The following MBD5 variants were observed in gnomAD, a reference collection of about 807,000 sequenced individuals.
MBD5 encodes the protein methyl-CpG binding domain protein 5.
In MBD5, 13 loss-of-function variants were observed where a neutral mutation model predicts 117.3. The observed-to-expected ratio is 0.11, with a 90% CI of 0.07 to 0.18. MBD5 has a LOEUF of 0.18. Among genes scored for constraint, MBD5 ranks in the 10% least tolerant of loss-of-function variants. The pLI, the probability that MBD5 is intolerant of heterozygous loss-of-function variation, is 1.00. For missense variants in MBD5, 1,879 were observed against 2,093.8 expected, an observed-to-expected ratio of 0.90 and a Z score of 2.00; for synonymous variants, 727 against 766.4, an observed-to-expected ratio of 0.95 and a Z score of 0.85.
intron 10 of MBD5, among the ~76,000 whole-genome samples, chr2:148,488,239 GC>G (rs1464516844): frequency 6.6e-6 from 1 of 152,196 alleles, no homozygotes; most frequent in Non-Finnish European, 1.5e-5. Context: ...TGCCTGATGG[GC>G]TTTATTTTCT....
At chr2:148,175,627 G>A (rs1256944089) in intron 1 of MBD5, among the ~76,000 whole-genome samples, 1 of 152,128 alleles carries the variant, frequency 6.6e-6, no homozygotes, top group East Asian at 1.9e-4. Flanking sequence ...CAGAGTTATT[G>A]GAGATTTTAG....
At chr2:148,256,430 C>T (rs1700592150) in intron 3 of MBD5, among the ~76,000 whole-genome samples, 1 of 152,236 alleles carries the variant, frequency 6.6e-6, no homozygotes, top group Non-Finnish European at 1.5e-5. Context: ...TCTGATGACC[C>T]ATTTCCCAGA....
rs1053293977 is a variant in MBD5 at position 148,476,971 on chromosome 2, A to G, written c.2519-6139A>G. On this transcript the variant is annotated intron_variant, in intron 8 of 13. Coordinates refer to ENST00000642680, the MANE Select transcript of MBD5 (RefSeq NM_001378120.1). ...CTTTTCTCTACATTTGTTTTCTCACAAATATTAAGAAAAATGTGATCAAAG... is the reference window on the plus strand; with the variant it reads ...CTTTTCTCTACATTTGTTTTCTCACGAATATTAAGAAAAATGTGATCAAAG... Among the ~76,000 whole-genome samples, 4 of 152,068 alleles carry G rather than the reference A, an allele frequency of 2.6e-5. No individual in the cohort carries two copies. In the East Asian group the frequency reaches 7.7e-4, roughly 29 times the overall value.
intron 1 of MBD5, chr2:148,071,276 A>ATGTGTGTGTGTGTGTG (rs35621899): frequency 9.1e-6 from 1 of 109,628 alleles, no homozygotes; most frequent in Non-Finnish European, 2.1e-5. Flanking sequence ...ATATCTGTAT[A>ATGTGTGTGTGTGTGTG]TGTGTGTGTG....
intron 5 of MBD5, among the ~76,000 whole-genome samples, chr2:148,459,153 T>C (rs778225921): frequency 2.0e-5 from 3 of 152,172 alleles, no homozygotes; most frequent in Non-Finnish European, 4.4e-5. Context: ...CACAGGAGAA[T>C]GTAAAATACT....
intron 12 of MBD5, among the ~76,000 whole-genome samples, chr2:148,509,205 G>GA (rs1276519859): frequency 2.0e-5 from 3 of 152,054 alleles, no homozygotes; most frequent in Non-Finnish European, 4.4e-5. Flanking sequence ...TTAGCACTTG[G>GA]AAAAAATGAG....
chr2:148,493,131 A>G (rs1660492468), intron 11 of MBD5, among the ~76,000 whole-genome samples: 1 of 152,236 alleles, frequency 6.6e-6, no homozygotes, highest in South Asian at 2.1e-4. Flanking sequence ...TCTGTTTATT[A>G]TAGTAAAACT....
intron 8 of MBD5, among the ~76,000 whole-genome samples, chr2:148,479,720 G>GTT (rs34758495): frequency 0.014 from 1,941 of 142,294 alleles, 28 homozygotes; most frequent in East Asian, 0.072. Context: ...TGTCTTTGTT[G>GTT]TTTTTTTTTT....
chr2:148,152,923 C>G (rs545846805), intron 1 of MBD5, among the ~76,000 whole-genome samples: 1 of 151,826 alleles, frequency 6.6e-6, no homozygotes, highest in Admixed American at 6.6e-5. Flanking sequence ...TTAATTGGAG[C>G]ATTTAGTCCA....
At chr2:148,241,323 G>A (rs1335939974) in intron 3 of MBD5, among the ~76,000 whole-genome samples, 1 of 152,052 alleles carries the variant, frequency 6.6e-6, no homozygotes, top group Non-Finnish European at 1.5e-5. Flanking sequence ...CCTTAGTATA[G>A]GGATATAATA....
At chr2:148,220,529 G>T (rs569057034) in intron 2 of MBD5, among the ~76,000 whole-genome samples, 6 of 152,186 alleles carry the variant, frequency 3.9e-5, no homozygotes, top group Admixed American at 3.9e-4. Flanking sequence ...TGGAAATTTT[G>T]ACATTTCAAA....
At chr2:148,322,476 T>A (rs1366562064) in intron 3 of MBD5, among the ~76,000 whole-genome samples, 1 of 152,246 alleles carries the variant, frequency 6.6e-6, no homozygotes, top group Admixed American at 6.5e-5. Context: ...TGCTCATTTT[T>A]ATGAAATTTG....
chr2:148,294,751 A>C (rs552600749), intron 3 of MBD5, among the ~76,000 whole-genome samples: 2 of 151,434 alleles, frequency 1.3e-5, no homozygotes, highest in Non-Finnish European at 2.9e-5. Context: ...AGTGATCTGC[A>C]CACCTCTGCC....
intron 2 of MBD5, among the ~76,000 whole-genome samples, chr2:148,206,763 T>C (rs1016847900): frequency 1.3e-5 from 2 of 152,216 alleles, no homozygotes; most frequent in Non-Finnish European, 2.9e-5. Flanking sequence ...AAGCAAGGTA[T>C]TTATATTAGA....
intron 4 of MBD5, among the ~76,000 whole-genome samples, chr2:148,392,966 T>G (rs1317007148): frequency 6.6e-6 from 1 of 152,212 alleles, no homozygotes; most frequent in Non-Finnish European, 1.5e-5. Context: ...GGAAACATTT[T>G]TAAAAACTCA....
At chr2:148,169,230 T>G (rs1277430206) in intron 1 of MBD5, among the ~76,000 whole-genome samples, 2 of 152,132 alleles carry the variant, frequency 1.3e-5, no homozygotes, top group Non-Finnish European at 2.9e-5. Flanking sequence ...ATTCTGTTTT[T>G]CTTCACAATA....
intron 1 of MBD5, among the ~76,000 whole-genome samples, chr2:148,110,989 T>A (rs1456438305): frequency 6.6e-6 from 1 of 152,084 alleles, no homozygotes; most frequent in Admixed American, 6.5e-5. Context: ...ATTTTAAAAT[T>A]TTTTTGAAGT....
intron 3 of MBD5, among the ~76,000 whole-genome samples, chr2:148,310,704 G>C (rs999674117): frequency 3.3e-5 from 5 of 151,930 alleles, no homozygotes; most frequent in Admixed American, 2.6e-4. Flanking sequence ...GAATTTGTTT[G>C]CTCTTACTTC....
intron 11 of MBD5, among the ~76,000 whole-genome samples, chr2:148,491,967 TA>T (rs1289798429): frequency 6.6e-6 from 1 of 150,582 alleles, no homozygotes; most frequent in Non-Finnish European, 1.5e-5. Flanking sequence ...AAAGCTTAAC[TA>T]AAAAAAAAGA....
Sources: gnomAD v4.1 joint callset for allele counts (sites outside exome capture counted in the v4.1 genomes callset) on GRCh38, gnomAD v4.1.1 for gene constraint, MANE v1.5 for transcripts, NCBI Gene and HGNC (gene_info 2026-07-23, HGNC 2026-07-21) for gene names.